The following MCF2L variants were observed in gnomAD, a reference collection of about 807,000 sequenced individuals.
MCF2L encodes guanine nucleotide exchange factor DBS.
In MCF2L, 97 loss-of-function variants were observed where a neutral mutation model predicts 153.4. The observed-to-expected ratio is 0.63, with a 90% CI of 0.54 to 0.75. The LOEUF (loss-of-function observed/expected upper bound fraction) is 0.75. Ranked by LOEUF, MCF2L falls within the 30% of genes least tolerant of loss-of-function variation. MCF2L has a pLI of 0.00. For synonymous variants in MCF2L, 659 were observed against 632.2 expected (o/e 1.04, Z -0.64); for missense variants, 1,347 against 1,495.2 (o/e 0.90, Z 1.64).
chr13:112,924,223 C>T (rs1188672226), intron 2 of MCF2L, among the ~76,000 whole-genome samples: 1 of 152,150 alleles, frequency 6.6e-6, no homozygotes, highest in African/African-American at 2.4e-5. Context: ...TCCCCACAAC[C>T]CCCCCACGAT....
At chr13:112,972,833 ATGGATGGATGAAT>A in intron 1 of MCF2L, among the ~76,000 whole-genome samples, 1 of 2,748 alleles carries the variant, frequency 3.6e-4, no homozygotes, top group African/African-American at 1.2e-3. Flanking sequence ...TGGAAGGTGG[ATGGATGGATGAAT>A]GGATGGATGG....
intron 3 of MCF2L, among the ~76,000 whole-genome samples, chr13:113,026,381 G>A (rs1594732735): frequency 6.6e-6 from 1 of 152,348 alleles, no homozygotes; most frequent in East Asian, 1.9e-4. Flanking sequence ...TCAGCATCAT[G>A]GTTCCGAGGA....
intron 4 of MCF2L, among the ~76,000 whole-genome samples, chr13:113,047,776 C>T (rs2086907419): frequency 1.3e-5 from 2 of 152,240 alleles, no homozygotes; most frequent in South Asian, 4.1e-4. Context: ...GCCCCGTCCC[C>T]TCTGCTCACG....
chr13:112,910,222 G>A (rs1391755457), intron 2 of MCF2L: 1 of 152,210 alleles, frequency 6.6e-6, no homozygotes, highest in African/African-American at 2.4e-5. Context: ...TTCCAAGCCT[G>A]CTGGTAGGAA....
At chr13:112,954,590 T>C (rs2081734760) in intron 2 of MCF2L, among the ~76,000 whole-genome samples, 2 of 152,330 alleles carry the variant, frequency 1.3e-5, no homozygotes, top group Non-Finnish European at 1.5e-5. Context: ...CTCTGTGGCA[T>C]GGCCCTCAGT....
chr13:112,915,633 C>A (rs562149137), intron 2 of MCF2L, among the ~76,000 whole-genome samples: 2 of 152,062 alleles, frequency 1.3e-5, no homozygotes, highest in Non-Finnish European at 2.9e-5. Context: ...TGCTAGTGTA[C>A]CTTTTCCTAG....
At chr13:112,942,691 G>C (rs2081588490) in intron 2 of MCF2L, among the ~76,000 whole-genome samples, 1 of 152,230 alleles carries the variant, frequency 6.6e-6, no homozygotes, top group African/African-American at 2.4e-5. Context: ...ACTCTGTCTA[G>C]TTACGTGTAA....
chr13:112,977,060 G>A (rs542334736), intron 1 of MCF2L, among the ~76,000 whole-genome samples: 8 of 152,244 alleles, frequency 5.3e-5, no homozygotes, highest in Admixed American at 2.0e-4. Context: ...GCTCCCACCC[G>A]CATCAGCCCA....
Position 112,996,014 on chromosome 13 carries a change from G to A in MCF2L, c.80-18749G>A, listed in dbSNP as rs182882727. Among the ~76,000 whole-genome samples the A allele has an allele frequency of 1.6e-4, 24 of 152,284 alleles. No individual in the cohort carries two copies. In the East Asian group the frequency reaches 3.1e-3, roughly 20 times the overall value. ...GACTTTCACCAGATCCAAGCCTGAC[G>A]TCTTCTCTCCACATAGTCCCGAGTT... On this transcript the variant is annotated intron_variant, in intron 1 of 29. Transcript: ENST00000535094.
At chr13:112,928,466 T>C (rs2081430143) in intron 2 of MCF2L, among the ~76,000 whole-genome samples, 1 of 152,220 alleles carries the variant, frequency 6.6e-6, no homozygotes, top group African/African-American at 2.4e-5. Flanking sequence ...TATTTCTGTC[T>C]AGCCATGCCA....
intron 4 of MCF2L, among the ~76,000 whole-genome samples, chr13:113,056,793 T>C (rs1197997941): frequency 4.8e-5 from 6 of 125,740 alleles, no homozygotes; most frequent in Non-Finnish European, 9.2e-5. Context: ...TGGCACTGAG[T>C]GTTTGGGTGC....
At chr13:113,067,199 C>G (rs887250360) in intron 8 of MCF2L, among the ~76,000 whole-genome samples, 61 of 150,444 alleles carry the variant, frequency 4.1e-4, no homozygotes, top group Admixed American at 1.3e-3. Context: ...CAGCTGGAGT[C>G]CCAGCTACGC....
At chr13:112,942,136 C>T (rs181369447) in intron 2 of MCF2L, among the ~76,000 whole-genome samples, 24 of 152,326 alleles carry the variant, frequency 1.6e-4, no homozygotes, top group East Asian at 5.8e-4. Flanking sequence ...CAGGCCCACC[C>T]GCAGTTATCT....
intron 1 of MCF2L, among the ~76,000 whole-genome samples, chr13:112,970,826 A>G (rs1203104246): frequency 6.6e-6 from 1 of 152,126 alleles, no homozygotes; most frequent in East Asian, 1.9e-4. Context: ...CAGCAGTGAC[A>G]CTGTCTGCTC....
intron 18 of MCF2L, 69 bp from the exon 19 acceptor site, chr13:113,084,823 C>T: frequency 8.5e-7 from 1 of 1,180,876 alleles, no homozygotes; most frequent in Middle Eastern, 2.0e-4. Flanking sequence ...TAATGCGGTG[C>T]CCGTCCCTCA....
intron 1 of MCF2L, among the ~76,000 whole-genome samples, chr13:112,971,023 C>G (rs991103708): frequency 1.3e-5 from 2 of 152,110 alleles, no homozygotes; most frequent in Non-Finnish European, 2.9e-5. Flanking sequence ...GGGAGGTGAC[C>G]CTGCATCATA....
chr13:112,908,556 T>C (rs1326698554), intron 2 of MCF2L, among the ~76,000 whole-genome samples: 2 of 152,028 alleles, frequency 1.3e-5, no homozygotes, highest in Non-Finnish European at 2.9e-5. Context: ...TCTGTGGGTG[T>C]TTTATCAGGA....
Position 112,960,945 on chromosome 13 carries a change from G to A in MCF2L, c.170-53818G>A, listed in dbSNP as rs111764480. Among the ~76,000 whole-genome samples, 125 of 152,260 alleles carry A rather than the reference G, an allele frequency of 8.2e-4. 1 individual carries two copies. The highest frequency in any genetic ancestry group is 1.8e-3 in the Admixed American group (28 of 15,308). ...GTTCTACCGTGAGTGACTGCAGGCC[G>A]TGCCGCAGCTCAAGTGGGGGCCCCT... On this transcript the variant is annotated intron_variant, in intron 2 of 29. Transcript: ENST00000375608. This position sits in a 1 kb window ranked among gnomAD's most constrained non-coding sequence, Gnocchi z 4.2.
intron 2 of MCF2L, among the ~76,000 whole-genome samples, chr13:112,931,964 G>A (rs146406530): frequency 3.9e-5 from 6 of 152,314 alleles, no homozygotes; most frequent in African/African-American, 1.4e-4. Context: ...TGATTGAATA[G>A]ATATTAATAC....
Sources: gnomAD v4.1 joint callset for allele counts (sites outside exome capture counted in the v4.1 genomes callset) on GRCh38, gnomAD v4.1.1 for gene constraint, Gnocchi (gnomAD v3.1) non-coding constraint, MANE v1.5 for transcripts, NCBI Gene and HGNC (gene_info 2026-07-23, HGNC 2026-07-21) for gene names.